Variants in RCAN3 observed in about 807,000 individuals in gnomAD.
RCAN3 encodes regulator of calcineurin 3.
RCAN3 carries 19 observed loss-of-function variants against 21.9 expected under a neutral mutation model. The observed-to-expected ratio is 0.87, with a 90% CI of 0.61 to 1.27. The LOEUF is 1.27. Ranked by LOEUF, RCAN3 falls within the 50% of genes most tolerant of loss-of-function variation. The probability of loss-of-function intolerance (pLI) is 0.00; values close to 1 mark genes in which losing one functional copy is unlikely to be tolerated. For missense variants in RCAN3, 240 were observed against 300.1 expected (o/e 0.80, Z 1.48); for synonymous variants, 114 against 112.3 (o/e 1.01, Z -0.09).
intron 2 of RCAN3, among the ~76,000 whole-genome samples, chr1:24,516,937 T>G (rs1453845457): frequency 2.6e-5 from 4 of 152,230 alleles, no homozygotes; most frequent in African/African-American, 9.6e-5. Flanking sequence ...CTTTTGAGTT[T>G]CATGCTAAGA....
At chr1:24,520,654 G>A (rs1476419618) in intron 2 of RCAN3, among the ~76,000 whole-genome samples, 1 of 148,272 alleles carries the variant, frequency 6.7e-6, no homozygotes, top group Non-Finnish European at 1.5e-5. Flanking sequence ...GACACAGGAA[G>A]GGGAACATCA....
rs751729340 is a variant in RCAN3, at chr1:24,535,274, G to C, written c.723G>C (p.Leu241=). 3 of 1,538,854 alleles carry C rather than the reference G, an allele frequency of 1.9e-6. No homozygotes were observed. Among genetic ancestry groups the C allele is most frequent in the Non-Finnish European group, 2.6e-6 (3 of 1,149,874 alleles). ...LNEPQTFDCA[L] Reference sequence around the variant, plus strand: ...AGCCCCAGACCTTTGATTGCGCGCTGTGAGGCCCTTGGTTGTGGTGCGAGG... The same window carrying C: ...AGCCCCAGACCTTTGATTGCGCGCTCTGAGGCCCTTGGTTGTGGTGCGAGG... Residue 241 remains leucine (L), a synonymous_variant, in exon 5 of 5, where the codon CTG becomes CTC. Transcript: ENST00000374395.
At chr1:24,514,264 A>G (rs1648114802) in intron 1 of RCAN3, 50 bp from the exon 2 acceptor site, 2 of 897,464 alleles carry the variant, frequency 2.2e-6, no homozygotes, top group African/African-American at 1.7e-5. Context: ...TGATTGGAAC[A>G]TTATTTGGTC....
Position 24,538,612 on chromosome 1 carries a change from A to C in RCAN3, c.*3335A>C, listed in dbSNP as rs1650354124. On this transcript the variant is annotated 3_prime_UTR_variant, in exon 5 of 5. Transcript: ENST00000374395. ...TTTTTATAAGTAGAGACGGGGTTTC[A>C]CCACGTTAGCCAGGATGGTCTCGAT... 7.1e-6 allele frequency: 1 copy of C among 140,342 alleles called. No individual in the cohort carries two copies. The highest frequency in any genetic ancestry group is 2.8e-5 in the African/African-American group (1 of 35,532). 8.7% of individuals were successfully genotyped at this position (140,342 alleles called of 1,614,324 possible).
At chr1:24,530,284 G>A (rs1002939927) in intron 2 of RCAN3, among the ~76,000 whole-genome samples, 1 of 148,884 alleles carries the variant, frequency 6.7e-6, no homozygotes, top group Non-Finnish European at 1.5e-5. Context: ...GAACCCTAGA[G>A]GTTGAGGCTG....
At chr1:24,504,969 G>T (rs1178724064) in intron 1 of RCAN3, among the ~76,000 whole-genome samples, 1 of 152,118 alleles carries the variant, frequency 6.6e-6, no homozygotes, top group Non-Finnish European at 1.5e-5. Flanking sequence ...AATTATAACA[G>T]GACCAATTCT....
chr1:24,530,356 CAAAAAA>C (rs56914359), intron 2 of RCAN3, among the ~76,000 whole-genome samples: 46 of 81,482 alleles, frequency 5.6e-4, no homozygotes, highest in East Asian at 1.7e-3. Flanking sequence ...CTCTTATCTC[CAAAAAA>C]AAAAAAAAAA....
intron 2 of RCAN3, among the ~76,000 whole-genome samples, chr1:24,516,170 C>T (rs935806339): frequency 2.6e-4 from 39 of 151,716 alleles, no homozygotes; most frequent in African/African-American, 9.0e-4. Context: ...GAAAGAAACA[C>T]TTGAAAGAAC....
chr1:24,530,728 C>T (rs1649691880), intron 2 of RCAN3, among the ~76,000 whole-genome samples: 1 of 152,030 alleles, frequency 6.6e-6, no homozygotes, highest in Non-Finnish European at 1.5e-5. Flanking sequence ...AATAAGTGCA[C>T]GACCCAGCTT....
chr1:24,530,657 C>T (rs1649688129), intron 2 of RCAN3, among the ~76,000 whole-genome samples: 1 of 152,150 alleles, frequency 6.6e-6, no homozygotes, highest in Non-Finnish European at 1.5e-5. Flanking sequence ...TCTCTTATAT[C>T]TTGCATTCAT....
chr1:24,519,333 T>C (rs1648600513), intron 2 of RCAN3, among the ~76,000 whole-genome samples: 1 of 152,044 alleles, frequency 6.6e-6, no homozygotes, highest in African/African-American at 2.4e-5. Flanking sequence ...ATTATAGGTG[T>C]GATCCACCAT....
At chr1:24,528,919 T>G (rs1422756208) in intron 2 of RCAN3, among the ~76,000 whole-genome samples, 2 of 152,208 alleles carry the variant, frequency 1.3e-5, no homozygotes, top group Admixed American at 1.3e-4. Flanking sequence ...TGTAGATTTA[T>G]GAAATTTGAT....
chr1:24,537,054 C>T lies in RCAN3; in HGVS notation c.*1777C>T, dbSNP rs1284871845. Reference sequence around the variant, plus strand: ...CCCATTTTTTACTGCAAGATGGACCCTGTATGCCAGGAGACATGTATTATC... The same window carrying T: ...CCCATTTTTTACTGCAAGATGGACCTTGTATGCCAGGAGACATGTATTATC... On this transcript the variant is annotated 3_prime_UTR_variant, in exon 5 of 5. Transcript: ENST00000374395. 1 of 152,084 alleles carries T rather than the reference C, an allele frequency of 6.6e-6. No individual in the cohort carries two copies. Among genetic ancestry groups the T allele is most frequent in the South Asian group, 2.1e-4 (1 of 4,828 alleles). The allele number at this position is 152,084 out of a possible 1,614,324, so 9.4% of individuals were successfully genotyped here.
Position 24,533,209 on chromosome 1 carries a change from G to A in RCAN3, c.496G>A (p.Val166Ile), listed in dbSNP as rs751944876. ...GWKQSEDAMP[V>I]INYDLLCAVS... Reference sequence around the variant, plus strand: ...GAAGCAGAGCGAAGATGCGATGCCTGTTATAAATTATGATTTACTCTGTGC... The same window carrying A: ...GAAGCAGAGCGAAGATGCGATGCCTATTATAAATTATGATTTACTCTGTGC... Residue 166 changes from valine (V) to isoleucine (I), a missense_variant, in exon 4 of 5, where the codon GTT (valine) becomes ATT (isoleucine). Coordinates refer to ENST00000374395, the MANE Select transcript of RCAN3 (RefSeq NM_013441.4). 1.7e-5 allele frequency: 27 copies of A among 1,603,782 alleles called. No individual in the cohort carries two copies. The highest frequency in any genetic ancestry group is 2.2e-5 in the Non-Finnish European group (26 of 1,176,454).
At chr1:24,529,398 G>GA (rs1329621365) in intron 2 of RCAN3, among the ~76,000 whole-genome samples, 1,628 of 147,260 alleles carry the variant, frequency 0.011, 34 homozygotes, top group African/African-American at 0.037. Context: ...TTTAAAAAAA[G>GA]AAAAAAAAAG....
chr1:24,521,003 C>G (rs1407315396), intron 2 of RCAN3, among the ~76,000 whole-genome samples: 2 of 152,074 alleles, frequency 1.3e-5, no homozygotes, highest in Non-Finnish European at 2.9e-5. Context: ...ATTGCCAAAA[C>G]AGTCTTGAAA....
At chr1:24,523,215 C>G (rs927312686) in intron 2 of RCAN3, among the ~76,000 whole-genome samples, 1 of 152,096 alleles carries the variant, frequency 6.6e-6, no homozygotes, top group African/African-American at 2.4e-5. Flanking sequence ...AGGCACCTGC[C>G]ACTGCGCCCG....
intron 2 of RCAN3, among the ~76,000 whole-genome samples, chr1:24,519,409 A>G (rs1648607581): frequency 6.6e-6 from 1 of 151,936 alleles, no homozygotes; most frequent in African/African-American, 2.4e-5. Flanking sequence ...TTCAAAATAT[A>G]ATTTAGGTTT....
intron 1 of RCAN3, among the ~76,000 whole-genome samples, chr1:24,507,890 C>G (rs921828090): frequency 1.3e-5 from 2 of 152,210 alleles, no homozygotes; most frequent in African/African-American, 4.8e-5. Flanking sequence ...GCCTGACCAA[C>G]ATGATGAAAC....
Sources: allele counts gnomAD v4.1 joint callset (sites outside exome capture counted in the v4.1 genomes callset), GRCh38; gene constraint gnomAD v4.1.1; transcripts MANE v1.5; gene names NCBI Gene and HGNC (gene_info 2026-07-23, HGNC 2026-07-21).